TRMT9B: variants seen among roughly 807,000 people sequenced by gnomAD.
TRMT9B encodes the protein probable tRNA methyltransferase 9B.
Under a neutral mutation model 11.5 loss-of-function variants are expected in TRMT9B, and 16 were observed. That is an observed-to-expected ratio of 1.39 (90% CI 0.94 to 2.11). The LOEUF (loss-of-function observed/expected upper bound fraction) is 2.11, where lower values mean the gene tolerates loss of function less well. Ranked by LOEUF, TRMT9B falls within the 30% of genes most tolerant of loss-of-function variation. The probability of loss-of-function intolerance (pLI) is 0.00; values close to 1 mark genes in which losing one functional copy is unlikely to be tolerated. For missense variants in TRMT9B, 941 were observed against 553.8 expected, an observed-to-expected ratio of 1.70 and a Z score of -7.02; for synonymous variants, 274 against 192.4, an observed-to-expected ratio of 1.42 and a Z score of -3.51.
At chr8:13,013,554 C>G (rs1270936879) in intron 4 of TRMT9B, among the ~76,000 whole-genome samples, 1 of 151,872 alleles carries the variant, frequency 6.6e-6, no homozygotes, top group African/African-American at 2.4e-5. Flanking sequence ...TGCAGGGAAA[C>G]TTGATATTTA....
At chr8:12,954,163 C>T (rs1225893859) in intron 1 of TRMT9B, among the ~76,000 whole-genome samples, 1 of 152,182 alleles carries the variant, frequency 6.6e-6, no homozygotes, top group Non-Finnish European at 1.5e-5. Context: ...GGGATCTTCC[C>T]AGTAAATCTT....
intron 1 of TRMT9B, among the ~76,000 whole-genome samples, chr8:12,972,024 A>G (rs968029747): frequency 3.3e-5 from 5 of 152,222 alleles, no homozygotes; most frequent in African/African-American, 4.8e-5. Flanking sequence ...CATGTTTTGC[A>G]CAATAGCGCA....
chr8:12,977,055 A>T lies in TRMT9B; in HGVS notation c.-199-13779A>T, dbSNP rs539707549. 1.5e-3 allele frequency among the ~76,000 whole-genome samples: 228 copies of T among 152,306 alleles called. 1 individual carries two copies. The highest frequency in any genetic ancestry group is 2.5e-3 in the Non-Finnish European group (172 of 68,030). On this transcript the variant is annotated intron_variant, in intron 1 of 4. Coordinates refer to ENST00000524591, the MANE Select transcript of TRMT9B (RefSeq NM_020844.3). ...AGGTGCTGCTAGCAGATGGTGTTGC[A>T]AATAGAAGCATGGTGGGCAAAGAGA...
intron 1 of TRMT9B, among the ~76,000 whole-genome samples, chr8:12,983,544 C>T (rs1585200017): frequency 6.6e-6 from 1 of 152,106 alleles, no homozygotes; most frequent in African/African-American, 2.4e-5. Context: ...GTGGCAGGTG[C>T]CTGTAATCTC....
intron 4 of TRMT9B, 71 bp from the exon 5 acceptor site, chr8:13,020,937 A>G (rs768857318): frequency 3.0e-6 from 3 of 1,013,980 alleles, no homozygotes; most frequent in Non-Finnish European, 4.2e-6. Context: ...GTTATATGGT[A>G]AACACCAGTG....
rs770812731 is a variant in TRMT9B at position 13,021,705 on chromosome 8, G to T, written c.1026G>T (p.Arg342Ser). 3 of 1,613,952 alleles carry T rather than the reference G, an allele frequency of 1.9e-6. No individual in the cohort carries two copies. The change falls in exon 5 of 5, where the codon AGG (arginine) becomes AGT (serine). Residue 342 changes from arginine to serine, a missense_variant. Coordinates refer to ENST00000524591, the MANE Select transcript of TRMT9B (RefSeq NM_020844.3). ...ATGGAGACCATCAAGGGGAAATGAG[G>T]AGAAATGGAGGGGGAAATTTTCTGG... Reference protein sequence around the residue: ...HLNGDHQGEMRRNGGGNFLDS... With the variant: ...HLNGDHQGEMSRNGGGNFLDS...
rs186751302 is a variant in TRMT9B at position 12,978,632 on chromosome 8, G to A, written c.-199-12202G>A. Reference sequence around the variant, plus strand: ...TGACTCTTCTCCAGATTGTTTCTGTGTCACTAACCAGCCAATATAGTAGCC... The same window carrying A: ...TGACTCTTCTCCAGATTGTTTCTGTATCACTAACCAGCCAATATAGTAGCC... On this transcript the variant is annotated intron_variant, in intron 1 of 4. Coordinates refer to ENST00000524591, the MANE Select transcript of TRMT9B (RefSeq NM_020844.3). 3.3e-5 allele frequency among the ~76,000 whole-genome samples: 5 copies of A among 152,208 alleles called. No homozygotes were observed. In the South Asian group the frequency reaches 8.3e-4, roughly 25 times the overall value.
intron 1 of TRMT9B, among the ~76,000 whole-genome samples, chr8:12,970,665 C>G (rs1219690200): frequency 1.3e-5 from 2 of 152,142 alleles, no homozygotes; most frequent in South Asian, 4.2e-4. Context: ...GATTAAGGTC[C>G]TAAAAATATC....
intron 2 of TRMT9B, among the ~76,000 whole-genome samples, chr8:12,999,014 T>G (rs1808875134): frequency 6.6e-6 from 1 of 152,234 alleles, no homozygotes; most frequent in Admixed American, 6.5e-5. Flanking sequence ...GAAAGATTGT[T>G]CAGGGGCTGG....
At chr8:12,976,857 C>T (rs1270084494) in intron 1 of TRMT9B, among the ~76,000 whole-genome samples, 2 of 152,152 alleles carry the variant, frequency 1.3e-5, no homozygotes, top group Non-Finnish European at 2.9e-5. Context: ...TCAGCTCTGA[C>T]CTGCAGGCAA....
At chr8:12,999,767 G>C (rs961404247) in intron 2 of TRMT9B, among the ~76,000 whole-genome samples, 6 of 152,100 alleles carry the variant, frequency 3.9e-5, no homozygotes, top group Non-Finnish European at 8.8e-5. Context: ...GTGGAATTAG[G>C]GAGTGTAGAG....
chr8:13,013,890 A>G (rs1057098956), intron 4 of TRMT9B, among the ~76,000 whole-genome samples: 1 of 152,200 alleles, frequency 6.6e-6, no homozygotes, highest in Non-Finnish European at 1.5e-5. Context: ...CGGAGGGTGC[A>G]GTGAGCTGAG....
intron 3 of TRMT9B, chr8:13,010,114 G>C (rs868313591): frequency 9.5e-6 from 3 of 315,798 alleles, no homozygotes; most frequent in South Asian, 1.3e-4. Flanking sequence ...TTCTAGCCTG[G>C]GTGGCATAGT....
At chr8:12,969,630 T>A (rs1803307429) in intron 1 of TRMT9B, among the ~76,000 whole-genome samples, 1 of 152,096 alleles carries the variant, frequency 6.6e-6, no homozygotes, top group Non-Finnish European at 1.5e-5. Flanking sequence ...TTTTTCCTAA[T>A]ATTTTTTCTT....
chr8:12,973,753 A>T (rs1803989958), intron 1 of TRMT9B, among the ~76,000 whole-genome samples: 1 of 152,218 alleles, frequency 6.6e-6, no homozygotes, highest in South Asian at 2.1e-4. Flanking sequence ...GCGTCTGCAC[A>T]GAGCCAGTGA....
At chr8:13,017,638 G>A (rs1812975595) in intron 4 of TRMT9B, among the ~76,000 whole-genome samples, 1 of 112,916 alleles carries the variant, frequency 8.9e-6, no homozygotes, top group South Asian at 2.9e-4. Context: ...TTTTGAGACA[G>A]TGTCTTACTC....
At chr8:12,980,401 C>G (rs906816606) in intron 1 of TRMT9B, among the ~76,000 whole-genome samples, 3 of 135,974 alleles carry the variant, frequency 2.2e-5, no homozygotes, top group Non-Finnish European at 3.2e-5. Context: ...ATCTATAAAC[C>G]CTTTTTTCCA....
intron 2 of TRMT9B, 150 bp from the exon 3 acceptor site, chr8:13,006,052 G>A: frequency 1.5e-6 from 1 of 649,078 alleles, no homozygotes; most frequent in Non-Finnish European, 2.5e-6. Flanking sequence ...TTATAGTGAA[G>A]GTATTGTTCT....
intron 3 of TRMT9B, among the ~76,000 whole-genome samples, chr8:13,008,494 C>A (rs2128892038): frequency 6.6e-6 from 1 of 152,208 alleles, no homozygotes; most frequent in Non-Finnish European, 1.5e-5. Context: ...CTAATAATGA[C>A]AATGCAAGGC....
Sources: gnomAD v4.1 joint callset for allele counts (sites outside exome capture counted in the v4.1 genomes callset) on GRCh38, gnomAD v4.1.1 for gene constraint, MANE v1.5 for transcripts, NCBI Gene and HGNC (gene_info 2026-07-23, HGNC 2026-07-21) for gene names.